EMILIN3: variants seen among roughly 807,000 people sequenced by gnomAD.
EMILIN3 encodes elastin microfibril interfacer 3.
A neutral mutation model predicts 42.8 loss-of-function variants in EMILIN3; 38 were observed. The ratio of observed to expected loss-of-function variants is 0.89; its 90% CI spans 0.69 to 1.16. The LOEUF (loss-of-function observed/expected upper bound fraction) is 1.16, where lower values mean the gene tolerates loss of function less well. EMILIN3 is among the 50% of genes most tolerant of loss of function. The pLI is 0.00. For missense variants in EMILIN3, 924 were observed against 999.5 expected, an observed-to-expected ratio of 0.92 and a Z score of 1.02; for synonymous variants, 430 against 440.5, an observed-to-expected ratio of 0.98 and a Z score of 0.30.
At chr20:41,363,542 C>T (rs540155296) in intron 3 of EMILIN3, 96 bp downstream of exon 3, 370 of 1,262,984 alleles carry the variant, frequency 2.9e-4, no homozygotes, top group Non-Finnish European at 3.7e-4. Flanking sequence ...CCATCCATGC[C>T]GGAGCTCAGC....
In EMILIN3 at chr20:41,361,340, G is replaced by A; in HGVS notation, c.2229C>T (p.Ala743=). The A allele has an allele frequency of 6.2e-7, 1 of 1,611,608 alleles. No individual in the cohort carries two copies. The highest frequency in any genetic ancestry group is 8.5e-7 in the Non-Finnish European group (1 of 1,178,378). ...AGTCCAGTAGGTCATCCCGGAGGCG[G>A]GCAATGTCCTGCGTGTGCTGGGCCA... is the stretch of plus-strand genomic sequence containing the variant. ...RTLAQHTQDI[A]RLRDDLLDCQ... Residue 743 remains alanine (A), a synonymous_variant, in exon 4 of 4, where the codon GCC becomes GCT. Transcript: ENST00000332312.
intron 2 of EMILIN3, among the ~76,000 whole-genome samples, chr20:41,364,263 G>A (rs2046382989): frequency 1.3e-5 from 2 of 152,152 alleles, no homozygotes; most frequent in African/African-American, 4.8e-5. Context: ...GCACTGCCCT[G>A]GAGCTGGCGC....
In EMILIN3 at chr20:41,363,674, G is replaced by C; in HGVS notation, c.478C>G (p.Pro160Ala). The C allele has an allele frequency of 6.2e-7, 1 of 1,613,386 alleles. No homozygotes were observed. The highest frequency in any genetic ancestry group is 1.1e-5 in the South Asian group (1 of 91,052). Residue 160 changes from proline to alanine, a missense_variant, in exon 3 of 4, where the codon CCC (proline) becomes GCC (alanine). Coordinates refer to ENST00000332312, the MANE Select transcript of EMILIN3 (RefSeq NM_052846.2). ...PSGQLDPGPR[P>A]PSYSRAAPSP... ...GGGGCTGCTCTGCTGTAGGAAGGGG[G>C]CCTGGGGCCTGGGTCCAGCTGCCCT...
rs758495759 is a variant in EMILIN3 at position 41,362,649 on chromosome 20, C to G, written c.920G>C (p.Arg307Pro). ...LALLEEYVDRRLHRLWGSLLD... is the reference protein window; with the variant it reads ...LALLEEYVDRPLHRLWGSLLD... ...CAGGCTCCCCCAGAGTCGGTGCAGC[C>G]GTCGGTCCACGTACTCCTCCAGCAG... is the stretch of plus-strand genomic sequence containing the variant. The change falls in exon 4 of 4, where the codon CGG becomes CCG. Residue 307 changes from arginine to proline, a missense_variant. Transcript: ENST00000332312. 1 of 1,608,710 alleles carries G rather than the reference C, an allele frequency of 6.2e-7. No homozygotes were observed. The highest frequency in any genetic ancestry group is 1.3e-5 in the African/African-American group (1 of 74,950).
chr20:41,362,906 A>C lies in EMILIN3; in HGVS notation c.663T>G (p.Ala221=), dbSNP rs758002532. ...NRMTGGPRAP[A]VPVGFGVIPE... is the part of the protein sequence containing the mutation. ...GGATGACCCCAAAGCCCACAGGGAC[A>C]GCAGGAGCCCTGGGGCCACCAGTCA... The change falls in exon 4 of 4, where the codon GCT becomes GCG. Residue 221 remains alanine, a synonymous_variant. Coordinates refer to ENST00000332312, the MANE Select transcript of EMILIN3 (RefSeq NM_052846.2). 2 of 1,613,672 alleles carry C rather than the reference A, an allele frequency of 1.2e-6. No homozygotes were observed. The highest frequency in any genetic ancestry group is 4.5e-5 in the East Asian group (2 of 44,872).
In EMILIN3 at chr20:41,360,069, C is replaced by G. The variant is rs6102376; in HGVS notation, c.*1199G>C. 6.5e-6 allele frequency: 1 copy of G among 152,704 alleles called. No individual in the cohort carries two copies. The highest frequency in any genetic ancestry group is 1.5e-5 in the Non-Finnish European group (1 of 68,110). The allele number at this position is 152,704 out of a possible 1,614,324, so 9.5% of individuals were successfully genotyped here. ...GAACCAAAGGCAGGGCTGTGGGGAC[C>G]TGAAGAGCAGCACAGTGGGGCCCGT... On this transcript the variant is annotated 3_prime_UTR_variant, in exon 4 of 4. Transcript: ENST00000332312.
chr20:41,365,833 CAGA>C (rs1271770142), intron 1 of EMILIN3, among the ~76,000 whole-genome samples: 1 of 152,220 alleles, frequency 6.6e-6, no homozygotes, highest in African/African-American at 2.4e-5. Context: ...CACGAAACAC[CAGA>C]AGCTGAGGCG....
intron 3 of EMILIN3, 36 bp from the exon 4 acceptor site, chr20:41,363,090 G>A (rs750844905): frequency 2.0e-6 from 3 of 1,470,094 alleles, no homozygotes; most frequent in South Asian, 2.7e-5. Context: ...GGCATCACTG[G>A]CCTCACCCTC....
chr20:41,361,886 G>A lies in EMILIN3; in HGVS notation c.1683C>T (p.Leu561=). The A allele has an allele frequency of 6.2e-7, 1 of 1,613,554 alleles. No individual in the cohort carries two copies. Among genetic ancestry groups the A allele is most frequent in the Non-Finnish European group, 8.5e-7 (1 of 1,180,050 alleles). Residue 561 remains leucine, a synonymous_variant, in exon 4 of 4, where the codon CTC becomes CTT. Transcript: ENST00000332312. ...CCTGGACCTCGGCCACAGTGCCATT[G>A]AGCTGCTGGAGCAGTGCTGCGTGGC... is the stretch of plus-strand genomic sequence containing the variant. ...VASHAALLQQ[L]NGTVAEVQGQ...
chr20:41,362,635 A>C lies in EMILIN3; in HGVS notation c.934T>G (p.Trp312Gly), dbSNP rs1329668009. 3 of 1,606,862 alleles carry C rather than the reference A, an allele frequency of 1.9e-6. No homozygotes were observed. The highest frequency in any genetic ancestry group is 1.7e-6 in the Non-Finnish European group (2 of 1,179,774). ...EYVDRRLHRL[W>G]GSLLDGFEQK... Reference sequence around the variant, plus strand: ...TCAAAGCCATCCAGCAGGCTCCCCCAGAGTCGGTGCAGCCGTCGGTCCACG... The same window carrying C: ...TCAAAGCCATCCAGCAGGCTCCCCCCGAGTCGGTGCAGCCGTCGGTCCACG... The change falls in exon 4 of 4, where the codon TGG (tryptophan) becomes GGG (glycine). Residue 312 changes from tryptophan (W) to glycine (G), a missense_variant. Physicochemically the swap from Trp to Gly is radical, Grantham distance 184. Transcript: ENST00000332312.
In EMILIN3 at chr20:41,362,526, C is replaced by G; in HGVS notation, c.1043G>C (p.Ser348Thr). ...RRQCEEGQAA[S>T]RRLHQSLDGR... ...ATCAAGGCTCTGGTGCAGCCTCCGG[C>G]TGGCGGCCTGACCCTCCTCACATTG... The change falls in exon 4 of 4, where the codon AGC (serine) becomes ACC (threonine). Residue 348 changes from serine to threonine, a missense_variant. Ser to Thr is a moderately conservative substitution (Grantham distance 58). Coordinates refer to ENST00000332312, the MANE Select transcript of EMILIN3 (RefSeq NM_052846.2). 6.3e-7 allele frequency: 1 copy of G among 1,598,934 alleles called. No individual in the cohort carries two copies. The highest frequency in any genetic ancestry group is 8.5e-7 in the Non-Finnish European group (1 of 1,179,260).
chr20:41,360,791 C>T lies in EMILIN3; in HGVS notation c.*477G>A, dbSNP rs1189161063. On this transcript the variant is annotated 3_prime_UTR_variant, in exon 4 of 4. Transcript: ENST00000332312. ...AACAGAAGCCACCAAGGGCTGTGGA[C>T]TGTTGCTTGTGGGCACAGGGCAATG... The T allele has an allele frequency of 5.9e-6, 1 of 168,572 alleles. No homozygotes were observed. The highest frequency in any genetic ancestry group is 1.3e-5 in the Non-Finnish European group (1 of 78,928). The allele number at this position is 168,572 out of a possible 1,614,324, so 10.4% of individuals were successfully genotyped here. A position where few individuals can be genotyped will look rare whatever the true frequency, so the allele number is the denominator to read the frequency against.
In EMILIN3 at chr20:41,361,685, G is replaced by A. The variant is rs2046360526; in HGVS notation, c.1884C>T (p.Ala628=). 18 of 1,607,824 alleles carry A rather than the reference G, an allele frequency of 1.1e-5. No homozygotes were observed. The highest frequency in any genetic ancestry group is 2.2e-5 in the East Asian group (1 of 44,742). The change falls in exon 4 of 4, where the codon GCC becomes GCT. Residue 628 remains alanine, a synonymous_variant. Coordinates refer to ENST00000332312, the MANE Select transcript of EMILIN3 (RefSeq NM_052846.2). The part of the protein sequence containing the change: ...SLDERERKVE[A]EVQAIQEQVS... ...CCTGCTCCTGGATGGCCTGGACTTC[G>A]GCTTCCACCTTGCGTTCCCGCTCAT...
At chr20:41,364,657 C>A (rs1310671056) in intron 2 of EMILIN3, among the ~76,000 whole-genome samples, 1 of 152,180 alleles carries the variant, frequency 6.6e-6, no homozygotes, top group South Asian at 2.1e-4. Context: ...CCTGCCAGGC[C>A]CCCCTGTGGC....
At position 41,366,665 on chromosome 20, in the gene EMILIN3, G is replaced by A. The variant is rs1041377693; in HGVS notation, c.-31C>T. ...CCCCCGCGCCTCTGCCCGGCCCCGC[G>A]CGGTGCCCCCCGCCGGGTGTCCGCC... On this transcript the variant is annotated 5_prime_UTR_variant, in exon 1 of 4. Transcript: ENST00000332312. The surrounding 1 kb of genome is among the most constrained non-coding windows in gnomAD (Gnocchi z 4.2). The A allele has an allele frequency of 4.6e-5, 46 of 997,432 alleles. No homozygotes were observed. The highest frequency in any genetic ancestry group is 5.4e-5 in the Non-Finnish European group (45 of 839,622). 61.8% of individuals were successfully genotyped at this position (997,432 alleles called of 1,614,324 possible).
chr20:41,362,934 C>T lies in EMILIN3; in HGVS notation c.635G>A (p.Arg212Lys). Residue 212 changes from arginine to lysine, a missense_variant, in exon 4 of 4, where the codon AGG becomes AAG. Transcript: ENST00000332312. The part of the protein sequence containing the change: ...GLVASHEDPN[R>K]MTGGPRAPAV... ...AGGAGCCCTGGGGCCACCAGTCATC[C>T]TGTTGGGATCCTCGTGGCTAGCCAC... 6.2e-7 allele frequency: 1 copy of T among 1,613,600 alleles called. No homozygotes were observed. Among genetic ancestry groups the T allele is most frequent in the South Asian group, 1.1e-5 (1 of 91,078 alleles).
At position 41,366,486 on chromosome 20, in the gene EMILIN3, A is replaced by G; in HGVS notation, c.149T>C (p.Leu50Pro). ...SLYTTGWRPRLRPGPHKALCA... is the reference protein window; with the variant it reads ...SLYTTGWRPRPRPGPHKALCA... Reference sequence around the variant, plus strand: ...CGCTTACTTGTGCGGCCCCGGGCGCAGCCGCGGGCGCCATCCCGTCGTGTA... The same window carrying G: ...CGCTTACTTGTGCGGCCCCGGGCGCGGCCGCGGGCGCCATCCCGTCGTGTA... Residue 50 changes from leucine (L) to proline (P), a missense_variant, in exon 1 of 4, where the codon CTG (leucine) becomes CCG (proline). Transcript: ENST00000332312. The surrounding 1 kb of genome is among the most constrained non-coding windows in gnomAD (Gnocchi z 4.2). The G allele has an allele frequency of 8.7e-7, 1 of 1,144,878 alleles. No individual in the cohort carries two copies. The highest frequency in any genetic ancestry group is 1.1e-6 in the Non-Finnish European group (1 of 933,360). 70.9% of individuals were successfully genotyped at this position (1,144,878 alleles called of 1,614,324 possible).
rs761998826 is a variant in EMILIN3 at position 41,361,549 on chromosome 20, G to A, written c.2020C>T (p.Arg674Cys). ...AGTTTCTGGGCTGTGTCCTGGCAGCGGCTCAGCCCACTGGCCACCTTGGCC... is the reference window on the plus strand; with the variant it reads ...AGTTTCTGGGCTGTGTCCTGGCAGCAGCTCAGCCCACTGGCCACCTTGGCC... ...GVAKVASGLS[R>C]CQDTAQKLQH... Residue 674 changes from arginine to cysteine, a missense_variant, in exon 4 of 4, where the codon CGC becomes TGC. Physicochemically the swap from Arg to Cys is radical, Grantham distance 180 (BLOSUM62 -3). Coordinates refer to ENST00000332312, the MANE Select transcript of EMILIN3 (RefSeq NM_052846.2). 42 of 1,611,062 alleles carry A rather than the reference G, an allele frequency of 2.6e-5. No individual in the cohort carries two copies. The highest frequency in any genetic ancestry group is 3.1e-5 in the Non-Finnish European group (37 of 1,179,670).
At chr20:41,363,306 A>G (rs2046376890) in intron 3 of EMILIN3, among the ~76,000 whole-genome samples, 1 of 151,442 alleles carries the variant, frequency 6.6e-6, no homozygotes, top group Admixed American at 6.6e-5. Context: ...ACGCCCGGCT[A>G]TTTTTTTTCT....
Sources: gnomAD v4.1 joint callset for allele counts (sites outside exome capture counted in the v4.1 genomes callset) on GRCh38, gnomAD v4.1.1 for gene constraint, Gnocchi (gnomAD v3.1) non-coding constraint, MANE v1.5 for transcripts, NCBI Gene and HGNC (gene_info 2026-07-23, HGNC 2026-07-21) for gene names.